The following RALGDS variants were observed in gnomAD, a reference collection of about 807,000 sequenced individuals.
The protein encoded by RALGDS is ral guanine nucleotide exchange factor.
In RALGDS, 44 loss-of-function variants were observed where a neutral mutation model predicts 99.8. The observed-to-expected ratio is 0.44, with a 90% CI of 0.35 to 0.57. RALGDS has a LOEUF of 0.57. RALGDS is among the 20% of genes least tolerant of loss of function. The pLI, the probability that RALGDS is intolerant of heterozygous loss-of-function variation, is 0.01. For synonymous variants in RALGDS, 529 were observed against 505.0 expected (o/e 1.05, Z -0.64); for missense variants, 1,022 against 1,203.1 (o/e 0.85, Z 2.23).
Position 133,137,928 on chromosome 9 carries a change from G to A in RALGDS, c.18+11035C>T, listed in dbSNP as rs1361437926. 2.6e-5 allele frequency among the ~76,000 whole-genome samples: 4 copies of A among 152,380 alleles called. No homozygotes were observed. In the East Asian group the frequency reaches 7.7e-4, roughly 29 times the overall value. On this transcript the variant is annotated intron_variant, in intron 1 of 17. Coordinates refer to the RALGDS transcript ENST00000393160. ...GGGATGGGGGCTGAGCCCACAGTCA[G>A]GCCCCTGTGTCCAGCAGGCCCTGGT...
intron 1 of RALGDS, among the ~76,000 whole-genome samples, chr9:133,136,972 C>T (rs1428675633): frequency 2.0e-5 from 3 of 151,768 alleles, no homozygotes; most frequent in African/African-American, 7.3e-5. Context: ...TGGTGGCTTA[C>T]GCCTGTAATC....
At position 133,108,365 on chromosome 9, in the gene RALGDS, C is replaced by A; in HGVS notation, c.820G>T (p.Glu274Ter). 1.3e-6 allele frequency: 2 copies of A among 1,538,362 alleles called. No individual in the cohort carries two copies. Among genetic ancestry groups the A allele is most frequent in the South Asian group, 1.2e-5 (1 of 84,102 alleles). ...VPALKPTPEL[E>*]LALTPARAPS... is the part of the protein sequence containing the mutation. ...GCTCGAGCTGGTGTTAGAGCTAGCT[C>A]GAGCTCTGGAGTTGGTTTTAGAGCT... Residue 274 changes from glutamate to a stop codon, truncating the protein, a stop_gained, in exon 6 of 18, where the codon GAG (glutamate) becomes TAG (stop). Transcript: ENST00000372050. LOFTEE classifies it high-confidence loss of function.
At position 133,110,099 on chromosome 9, in the gene RALGDS, T is replaced by A. The variant is rs184187149; in HGVS notation, c.488+197A>T. Among the ~76,000 whole-genome samples, 37 of 152,216 alleles carry A rather than the reference T, an allele frequency of 2.4e-4. No homozygotes were observed. In the East Asian group the frequency reaches 7.2e-3, roughly 29 times the overall value. ...GCCCATTCCCTACAGGGCCAGGCGTTGAGGGAGCACTTTCCACGCCTCATC... is the reference window on the plus strand; with the variant it reads ...GCCCATTCCCTACAGGGCCAGGCGTAGAGGGAGCACTTTCCACGCCTCATC... On this transcript the variant is annotated intron_variant, in intron 3 of 17. Coordinates refer to ENST00000372050, the MANE Select transcript of RALGDS (RefSeq NM_006266.4).
intron 6 of RALGDS, 146 bp from the exon 7 acceptor site, chr9:133,107,446 G>T: frequency 1.3e-6 from 1 of 777,938 alleles, no homozygotes; most frequent in Non-Finnish European, 2.2e-6. Context: ...AGTGACCCGG[G>T]ACAGAACGCT....
chr9:133,103,347 GCCCAC>G, intron 11 of RALGDS, 85 bp from the exon 12 acceptor site: 1 of 1,548,196 alleles, frequency 6.5e-7, no homozygotes. Flanking sequence ...TATCAAGAGT[GCCCAC>G]CAGGGGGCAG....
At chr9:133,142,138 G>C (rs2119272078) in intron 1 of RALGDS, among the ~76,000 whole-genome samples, 1 of 152,346 alleles carries the variant, frequency 6.6e-6, no homozygotes, top group South Asian at 2.1e-4. Flanking sequence ...CGGGTGGCTG[G>C]CAGAGTGGGG....
intron 1 of RALGDS, among the ~76,000 whole-genome samples, chr9:133,128,256 G>A (rs989847258): frequency 4.6e-5 from 7 of 152,068 alleles, no homozygotes; most frequent in Admixed American, 1.3e-4. Context: ...AAAGTGAGCC[G>A]GAGGACCACA....
At chr9:133,143,786 C>CAACAACAATAATAAT (rs1398814466) in intron 1 of RALGDS, among the ~76,000 whole-genome samples, 3 of 125,546 alleles carry the variant, frequency 2.4e-5, no homozygotes, top group Admixed American at 7.9e-5. Flanking sequence ...ACAACAACAA[C>CAACAACAATAATAAT]AATAATAATA....
chr9:133,099,355 T>C (rs1022971808), intron 17 of RALGDS: 1 of 153,824 alleles, frequency 6.5e-6, no homozygotes, highest in Non-Finnish European at 1.4e-5. Context: ...CAGTCTTCCT[T>C]TTCTGTAAGA....
chr9:133,118,762 C>T (rs572434301), intron 1 of RALGDS, among the ~76,000 whole-genome samples: 20 of 152,188 alleles, frequency 1.3e-4, no homozygotes, highest in Non-Finnish European at 2.5e-4. Flanking sequence ...TCCTCTGACT[C>T]CTGGTGGCTC....
chr9:133,107,242 T>G lies in RALGDS; in HGVS notation c.1256A>C (p.Asp419Ala). The change falls in exon 7 of 18, where the codon GAC becomes GCC. Residue 419 changes from aspartate to alanine, a missense_variant. Around this residue, in one of 3 missense-constraint regions of RALGDS, gnomAD observed 825 missense variants for 994.5 expected, o/e 0.83. Transcript: ENST00000372050. The stretch of plus-strand genomic sequence containing the variant: ...CGCCAGGTGCTCCTTGCCCTTCTTG[T>G]CCCGCTGGGACCAGATGGAGCCCAG... ...HCLGSIWSQRDKKGKEHLAPT... is the reference protein window; with the variant it reads ...HCLGSIWSQRAKKGKEHLAPT... 1 of 1,613,718 alleles carries G rather than the reference T, an allele frequency of 6.2e-7. No homozygotes were observed. Among genetic ancestry groups the G allele is most frequent in the Non-Finnish European group, 8.5e-7 (1 of 1,180,020 alleles).
intron 16 of RALGDS, 133 bp from the exon 17 acceptor site, chr9:133,100,515 G>A (rs1830706663): frequency 1.9e-6 from 3 of 1,557,876 alleles, no homozygotes; most frequent in East Asian, 2.3e-5. Context: ...CCAGGTGCTG[G>A]GTCCGGAGAG....
At chr9:133,115,377 GGGCCTGTGTGTGGAAAGGCTCAC>G (rs1564241775) in intron 1 of RALGDS, among the ~76,000 whole-genome samples, 1 of 152,168 alleles carries the variant, frequency 6.6e-6, no homozygotes, top group African/African-American at 2.4e-5. Context: ...GGTCCTCCCC[GGGCCTGTGTGTGGAAAGGCTCAC>G]GGCAGAGCCT....
chr9:133,122,031 G>A (rs768683914), upstream of RALGDS, among the ~76,000 whole-genome samples: 1 of 152,242 alleles, frequency 6.6e-6, no homozygotes, highest in Admixed American at 6.5e-5. Context: ...CCAAGGTTGG[G>A]GCTGAGAGGC....
upstream of RALGDS, among the ~76,000 whole-genome samples, chr9:133,122,013 G>A (rs1406486570): frequency 2.0e-5 from 3 of 152,216 alleles, no homozygotes; most frequent in African/African-American, 4.8e-5. Flanking sequence ...GGGGGAGAGC[G>A]GAAGGCACCA....
chr9:133,105,824 AG>A, intron 9 of RALGDS, 107 bp downstream of exon 9: 1 of 72,262 alleles, frequency 1.4e-5, no homozygotes, highest in Non-Finnish European at 2.4e-5. Context: ...CCGCCGCCCC[AG>A]CCCCCGCCCC....
chr9:133,114,254 C>G (rs1266712127), intron 1 of RALGDS, among the ~76,000 whole-genome samples: 1 of 152,208 alleles, frequency 6.6e-6, no homozygotes, highest in Non-Finnish European at 1.5e-5. Context: ...GGGAGACGCT[C>G]TAGCCCGCGT....
rs1830735421 is a variant in RALGDS at position 133,101,149 on chromosome 9, TC to T, written c.2454+370del. The T allele has an allele frequency of 6.9e-6, 8 of 1,167,416 alleles. No homozygotes were observed. The Admixed American group carries it at 3.1e-4, about 45-fold the overall frequency. The allele number at this position is 1,167,416 out of a possible 1,614,324, so 72.3% of individuals were successfully genotyped here. ...GCCTCCTAACCAACACCCCTGCGGC[TC>T]TGGTACCAGCCCACACCAGACAGAG... On this transcript the variant is annotated intron_variant, in intron 16 of 17. Transcript: ENST00000372050.
chr9:133,102,936 C>A (rs377361074), intron 12 of RALGDS, 36 bp from the exon 13 acceptor site: 2 of 1,610,198 alleles, frequency 1.2e-6, no homozygotes, highest in Non-Finnish European at 1.7e-6. Flanking sequence ...GGTGACAAGG[C>A]CCCCCGGGCA....
Sources: gnomAD v4.1 joint callset for allele counts (sites outside exome capture counted in the v4.1 genomes callset) on GRCh38, gnomAD v4.1.1 for gene constraint, gnomAD v4.1.1 regional missense constraint, MANE v1.5 for transcripts, NCBI Gene and HGNC (gene_info 2026-07-23, HGNC 2026-07-21) for gene names.